The following PTPN7 variants were observed in gnomAD, a reference collection of about 807,000 sequenced individuals.
PTPN7 encodes the protein protein tyrosine phosphatase non-receptor type 7, also known as tyrosine-protein phosphatase non-receptor type 7.
In PTPN7, 33 loss-of-function variants were observed where a neutral mutation model predicts 50.3. The ratio of observed to expected loss-of-function variants is 0.66; its 90% confidence interval spans 0.50 to 0.88. The LOEUF (loss-of-function observed/expected upper bound fraction) is 0.88. PTPN7 is among the 40% of genes least tolerant of loss of function. The pLI is 0.00. For missense variants in PTPN7, 412 were observed against 475.4 expected, an observed-to-expected ratio of 0.87 and a Z score of 1.24; for synonymous variants, 185 against 186.6, an observed-to-expected ratio of 0.99 and a Z score of 0.07.
Position 202,159,231 on chromosome 1 carries a change from G to A in PTPN7, c.122+50C>T, listed in dbSNP as rs376222988. 2.3e-4 allele frequency: 361 copies of A among 1,565,952 alleles called. No homozygotes were observed. Among genetic ancestry groups the A allele is most frequent in the Non-Finnish European group, 3.0e-4 (337 of 1,140,368 alleles). On this transcript the variant is annotated intron_variant, in intron 2 of 9. Coordinates refer to ENST00000691036, the MANE Select transcript of PTPN7 (RefSeq NM_002832.4). The surrounding 1 kb of genome is among the most constrained non-coding windows in gnomAD (Gnocchi z 4.6). ...GGGCAGATGGAAGGAAGGGAGGAGC[G>A]GAATGGGGGCTCAGGGCTCGGAAGA...
At chr1:202,152,461 C>CAGACCCTTCCCCAGGAG in intron 8 of PTPN7, 81 bp downstream of exon 8, 1 of 1,497,408 alleles carries the variant, frequency 6.7e-7, no homozygotes, top group Non-Finnish European at 9.0e-7. Flanking sequence ...CTTTTCTGCT[C>CAGACCCTTCCCCAGGAG]AGACCCTTCC....
chr1:202,152,321 C>T (rs1011951307), intron 8 of PTPN7, among the ~76,000 whole-genome samples: 1 of 152,354 alleles, frequency 6.6e-6, no homozygotes. Context: ...GATATTCCAT[C>T]CCCTCTATGG....
intron 8 of PTPN7, among the ~76,000 whole-genome samples, chr1:202,150,685 C>A (rs557034990): frequency 6.6e-6 from 1 of 152,168 alleles, no homozygotes; most frequent in Non-Finnish European, 1.5e-5. Flanking sequence ...CTTTTGGTCC[C>A]TGTGGACATT....
Position 202,152,666 on chromosome 1 carries a change from G to C in PTPN7, c.751C>G (p.Leu251Val), listed in dbSNP as rs374419113. 1.9e-6 allele frequency: 3 copies of C among 1,614,084 alleles called. No homozygotes were observed. The highest frequency in any genetic ancestry group is 2.5e-6 in the Non-Finnish European group (3 of 1,180,026). ...QEERRSVKHILFSAWPDHQTP... is the reference protein window; with the variant it reads ...QEERRSVKHIVFSAWPDHQTP... ...TGATGGTCTGGCCAGGCCGAAAAGA[G>C]GATGTGCTTTACTGACCGGCGCTCT... The change falls in exon 8 of 10, where the codon CTC becomes GTC. Residue 251 changes from leucine to valine, a missense_variant. By Grantham distance (32) the Leu-to-Val change is conservative. Coordinates refer to ENST00000691036, the MANE Select transcript of PTPN7 (RefSeq NM_002832.4).
At chr1:202,160,833 T>C (rs897581391), upstream of PTPN7, 6 of 1,517,254 alleles carry the variant, frequency 4.0e-6, no homozygotes, top group Non-Finnish European at 5.3e-6. This position sits in a 1 kb window ranked among gnomAD's most constrained non-coding sequence, Gnocchi z 4.8. Flanking sequence ...TTCCAGACCC[T>C]CTCCCCTCTT....
chr1:202,150,812 T>C (rs1405116847), intron 8 of PTPN7, among the ~76,000 whole-genome samples: 1 of 152,074 alleles, frequency 6.6e-6, no homozygotes, highest in Non-Finnish European at 1.5e-5. Context: ...CAGCTCAGAC[T>C]CATCTTCCAC....
At chr1:202,154,589 G>A (rs1656437822) in intron 5 of PTPN7, among the ~76,000 whole-genome samples, 1 of 152,206 alleles carries the variant, frequency 6.6e-6, no homozygotes, top group African/African-American at 2.4e-5. Flanking sequence ...GGTATCATCT[G>A]TAAATTGGGC....
chr1:202,153,724 CCT>C lies in PTPN7; in HGVS notation c.716_717del (p.Gln239LeufsTer117). 1 of 1,612,724 alleles carries C rather than the reference CCT, an allele frequency of 6.2e-7. No homozygotes were observed. The highest frequency in any genetic ancestry group is 8.5e-7 in the Non-Finnish European group (1 of 1,178,834). ...PEYTVRQLTI[Q>X]YQEERRSVKH... ...TGGGCCTGGCTCCGGGGGGGTGGTA[CCT>C]GGATGGTGAGCTGCCGCACAGTGTA... On this transcript the variant is annotated frameshift_variant and splice_region_variant, in exon 7 of 10. Transcript: ENST00000691036. LOFTEE classifies it high-confidence loss of function.
Position 202,160,237 on chromosome 1 carries a change from T to C in PTPN7, c.-53+308A>G, listed in dbSNP as rs976318529. ...ACAGTGGGCGAGGTGGCGGGGGTGT[T>C]GAATCACCAAGGCAGCAGGGACGGA... On this transcript the variant is annotated intron_variant, in intron 1 of 9. Coordinates refer to ENST00000691036, the MANE Select transcript of PTPN7 (RefSeq NM_002832.4). This position sits in a 1 kb window ranked among gnomAD's most constrained non-coding sequence, Gnocchi z 4.8. Among the ~76,000 whole-genome samples, 12 of 151,866 alleles carry C rather than the reference T, an allele frequency of 7.9e-5. No individual in the cohort carries two copies. The highest frequency in any genetic ancestry group is 2.9e-4 in the African/African-American group (12 of 41,322).
chr1:202,155,509 C>T (rs2147843371), intron 5 of PTPN7, 24 bp downstream of exon 5: 2 of 1,526,234 alleles, frequency 1.3e-6, no homozygotes, highest in African/African-American at 1.4e-5. Flanking sequence ...ATTCCCCGCC[C>T]ACCACTGCAG....
rs1167842983 is a variant in PTPN7, at chr1:202,147,448, AG to A, written c.*1157del. On this transcript the variant is annotated 3_prime_UTR_variant, in exon 10 of 10. Coordinates refer to ENST00000691036, the MANE Select transcript of PTPN7 (RefSeq NM_002832.4). ...GAGAGCTGGTATCAAGGCAGCTGTC[AG>A]GGGCGGCGTGCCTGGTGATGCGGCA... The A allele has an allele frequency of 6.6e-6, 1 of 152,100 alleles. No individual in the cohort carries two copies. Among genetic ancestry groups the A allele is most frequent in the Non-Finnish European group, 1.5e-5 (1 of 68,012 alleles). The allele number at this position is 152,100 out of a possible 1,614,324, so 9.4% of individuals were successfully genotyped here. A position where few individuals can be genotyped will look rare whatever the true frequency, so the allele number is the denominator to read the frequency against.
intron 8 of PTPN7, 51 bp from the exon 9 acceptor site, chr1:202,150,475 T>C (rs557601118): frequency 7.0e-7 from 1 of 1,431,668 alleles, no homozygotes; most frequent in East Asian, 2.4e-5. Flanking sequence ...CCAGGGAATA[T>C]GAGAGCCAGG....
intron 2 of PTPN7, chr1:202,158,902 G>A: frequency 4.9e-6 from 1 of 203,704 alleles, no homozygotes. Context: ...GGGATTTTGG[G>A]CATGAGCTAC....
rs574270076 is a variant in PTPN7 at position 202,153,372 on chromosome 1, C to A, written c.717+353G>T. ...CTCCTGACCTCAAGTGATCCGCCCC[C>A]CTCAGCCTCCCAAAGTGTTGGGATT... On this transcript the variant is annotated intron_variant, in intron 7 of 9. Transcript: ENST00000691036. Among the ~76,000 whole-genome samples the A allele has an allele frequency of 9.9e-5, 15 of 152,184 alleles. No individual in the cohort carries two copies. The South Asian group carries it at 2.1e-3, about 21-fold the overall frequency.
intron 2 of PTPN7, 118 bp from the exon 3 acceptor site, chr1:202,158,419 G>T: frequency 2.7e-6 from 3 of 1,099,218 alleles, no homozygotes; most frequent in Non-Finnish European, 3.8e-6. Flanking sequence ...GGAGTGTGAT[G>T]GCACTATTAT....
Position 202,155,525 on chromosome 1 carries a change from C to T in PTPN7, c.468+8G>A. 1.3e-6 allele frequency: 2 copies of T among 1,539,426 alleles called. No individual in the cohort carries two copies. Among genetic ancestry groups the T allele is most frequent in the Non-Finnish European group, 1.8e-6 (2 of 1,112,324 alleles). On this transcript the variant is annotated splice_region_variant and intron_variant, in intron 5 of 9. Coordinates refer to ENST00000691036, the MANE Select transcript of PTPN7 (RefSeq NM_002832.4). ...TTCCCCGCCCACCACTGCAGCCAGG[C>T]CACTCACTCGGATGTAGTTGGCATT...
At chr1:202,156,383 A>G (rs1445192466) in intron 4 of PTPN7, among the ~76,000 whole-genome samples, 1 of 152,244 alleles carries the variant, frequency 6.6e-6, no homozygotes, top group East Asian at 1.9e-4. Flanking sequence ...TGGGATTCAC[A>G]TGAGCAACTT....
Position 202,148,553 on chromosome 1 carries a change from C to T in PTPN7, c.*53G>A. On this transcript the variant is annotated 3_prime_UTR_variant, in exon 10 of 10. Transcript: ENST00000691036. The stretch of plus-strand genomic sequence containing the variant: ...ACTCGGCCCACTTTCCCCAGACCCA[C>T]CTTCCCAGGCTTGAGGGAGGTAGGC... The T allele has an allele frequency of 1.3e-6, 2 of 1,544,688 alleles. No individual in the cohort carries two copies. The highest frequency in any genetic ancestry group is 1.8e-6 in the Non-Finnish European group (2 of 1,121,998).
intron 9 of PTPN7, among the ~76,000 whole-genome samples, chr1:202,149,634 TA>T (rs1655700971): frequency 6.6e-6 from 1 of 150,926 alleles, no homozygotes. Context: ...TCTCTATTAT[TA>T]AAAAAAGAAG....
Sources: allele counts gnomAD v4.1 joint callset (sites outside exome capture counted in the v4.1 genomes callset), GRCh38; gene constraint gnomAD v4.1.1; non-coding constraint Gnocchi (gnomAD v3.1); transcripts MANE v1.5; gene names NCBI Gene and HGNC (gene_info 2026-07-23, HGNC 2026-07-21).